Variants in SRBD1 observed in about 807,000 individuals in gnomAD.
SRBD1 encodes the protein S1 RNA-binding domain-containing protein 1.
SRBD1 carries 88 observed loss-of-function variants against 115.3 expected under a neutral mutation model. The ratio of observed to expected loss-of-function variants is 0.76; its 90% CI spans 0.64 to 0.91. The LOEUF (loss-of-function observed/expected upper bound fraction) is 0.91. SRBD1 is among the 40% of genes least tolerant of loss of function. SRBD1 has a pLI of 0.00. For missense variants in SRBD1, 1,385 were observed against 1,177.4 expected (o/e 1.18, Z -2.58); for synonymous variants, 509 against 407.7 (o/e 1.25, Z -2.99).
intron 7 of SRBD1, among the ~76,000 whole-genome samples, chr2:45,578,567 C>CTAT (rs1479089737): frequency 2.0e-5 from 3 of 152,132 alleles, no homozygotes; most frequent in Non-Finnish European, 4.4e-5. Flanking sequence ...AAAATAAAAA[C>CTAT]AGGCTATAGT....
Position 45,599,654 on chromosome 2 carries a change from T to A in SRBD1, c.443A>T (p.Glu148Val). ...ETSKASNLEG[E>V]SNSSETPSTS... ...GGATGGTGTCTCTGAACTATTACTC[T>A]CACCCTCTAAGTTGCTGGCTTTGCT... Residue 148 changes from glutamate (E) to valine (V), a missense_variant, in exon 4 of 21, where the codon GAG (glutamate) becomes GTG (valine). Transcript: ENST00000263736. 1.2e-6 allele frequency: 2 copies of A among 1,614,242 alleles called. No individual in the cohort carries two copies. Among genetic ancestry groups the A allele is most frequent in the Non-Finnish European group, 1.7e-6 (2 of 1,180,048 alleles).
chr2:45,585,513 G>A (rs1202904179), intron 5 of SRBD1, 95 bp downstream of exon 5: 26 of 1,348,764 alleles, frequency 1.9e-5, no homozygotes, highest in Non-Finnish European at 2.6e-5. Flanking sequence ...GAAACAAAAT[G>A]TTGAAATTGT....
At chr2:45,503,828 G>C (rs932736969) in intron 14 of SRBD1, among the ~76,000 whole-genome samples, 6 of 152,262 alleles carry the variant, frequency 3.9e-5, no homozygotes, top group Admixed American at 1.3e-4. Context: ...AATCCAAAGA[G>C]GAGGAGGCTT....
At chr2:45,511,449 G>C (rs758130604) in intron 14 of SRBD1, among the ~76,000 whole-genome samples, 1 of 152,168 alleles carries the variant, frequency 6.6e-6, no homozygotes, top group Non-Finnish European at 1.5e-5. Context: ...AGAGCTATGA[G>C]TGTTCATGAA....
chr2:45,509,761 G>T (rs752868877), intron 14 of SRBD1, among the ~76,000 whole-genome samples: 4 of 152,052 alleles, frequency 2.6e-5, no homozygotes, highest in Non-Finnish European at 5.9e-5. Flanking sequence ...TTAAGACAGG[G>T]TCTCACTCTG....
intron 2 of SRBD1, among the ~76,000 whole-genome samples, chr2:45,604,002 T>A (rs1674183310): frequency 6.6e-6 from 1 of 152,150 alleles, no homozygotes; most frequent in Non-Finnish European, 1.5e-5. Flanking sequence ...CTTTCCAAAA[T>A]GTCTGTCATT....
At chr2:45,424,941 C>G (rs1668108379) in intron 16 of SRBD1, among the ~76,000 whole-genome samples, 1 of 152,178 alleles carries the variant, frequency 6.6e-6, no homozygotes, top group African/African-American at 2.4e-5. Context: ...AGCACTGTAT[C>G]ATGGGATGGC....
At chr2:45,565,587 C>T (rs1193548935) in intron 9 of SRBD1, among the ~76,000 whole-genome samples, 2 of 152,046 alleles carry the variant, frequency 1.3e-5, no homozygotes, top group African/African-American at 2.4e-5. Context: ...AGATATAACA[C>T]CAAAAGTGTA....
Position 45,601,765 on chromosome 2 carries a change from T to C in SRBD1, c.261+138A>G. The C allele has an allele frequency of 4.3e-6, 5 of 1,162,530 alleles. No homozygotes were observed. The South Asian group carries it at 4.9e-5, about 11-fold the overall frequency. The allele number at this position is 1,162,530 out of a possible 1,614,324, so 72.0% of individuals were successfully genotyped here. ...AAGAAACACAGTACAGACCCAAAAA[T>C]TAAGACCCAGGGTAGGGGATGCCAT... is the stretch of plus-strand genomic sequence containing the variant. On this transcript the variant is annotated intron_variant, in intron 3 of 20. Coordinates refer to ENST00000263736, the MANE Select transcript of SRBD1 (RefSeq NM_018079.5).
At chr2:45,596,929 A>AACACACAC (rs3223332) in intron 4 of SRBD1, among the ~76,000 whole-genome samples, 2,451 of 143,180 alleles carry the variant, frequency 0.017, 44 homozygotes, top group Non-Finnish European at 0.025. Flanking sequence ...CCACAACCCT[A>AACACACAC]ACACACACAC....
intron 19 of SRBD1, among the ~76,000 whole-genome samples, chr2:45,394,729 A>G (rs1366436400): frequency 6.6e-6 from 1 of 152,230 alleles, no homozygotes; most frequent in East Asian, 1.9e-4. Flanking sequence ...TTGAATTCAA[A>G]TGTGCAACAC....
At chr2:45,599,408 C>T in intron 4 of SRBD1, 41 bp downstream of exon 4, 5 of 1,577,724 alleles carry the variant, frequency 3.2e-6, no homozygotes, top group Non-Finnish European at 4.3e-6. Context: ...AAAAAGAAAG[C>T]ACTCAAAACA....
chr2:45,467,995 T>G (rs1339202879), intron 16 of SRBD1, among the ~76,000 whole-genome samples: 1 of 152,144 alleles, frequency 6.6e-6, no homozygotes, highest in Non-Finnish European at 1.5e-5. Flanking sequence ...CCAACCAGTT[T>G]AAGAAATAAG....
chr2:45,433,926 C>T (rs1399853991), intron 16 of SRBD1, among the ~76,000 whole-genome samples: 1 of 152,136 alleles, frequency 6.6e-6, no homozygotes, highest in East Asian at 1.9e-4. Context: ...GCCTATAAGG[C>T]TCTGGGATTA....
chr2:45,467,474 T>A (rs1669524714), intron 16 of SRBD1, among the ~76,000 whole-genome samples: 1 of 152,216 alleles, frequency 6.6e-6, no homozygotes, highest in African/African-American at 2.4e-5. Flanking sequence ...TCCTTAAACA[T>A]CTGCTCTACC....
intron 14 of SRBD1, among the ~76,000 whole-genome samples, chr2:45,544,989 C>G (rs527403174): frequency 1.3e-5 from 2 of 151,938 alleles, no homozygotes; most frequent in Non-Finnish European, 2.9e-5. Flanking sequence ...ATGATTAAAA[C>G]AAAAGATGAG....
chr2:45,439,211 A>G (rs1272745388), intron 16 of SRBD1, among the ~76,000 whole-genome samples: 1 of 152,060 alleles, frequency 6.6e-6, no homozygotes, highest in African/African-American at 2.4e-5. Flanking sequence ...CTACACTACA[A>G]AAAAATTTTA....
chr2:45,414,953 TAC>T lies in SRBD1; in HGVS notation c.2334-1662_2334-1661del, dbSNP rs1412383137. Among the ~76,000 whole-genome samples the T allele has an allele frequency of 3.1e-3, 222 of 71,210 alleles. 17 individuals carry two copies. Among genetic ancestry groups the T allele is most frequent in the South Asian group, 0.011 (22 of 2,026 alleles). The allele number at this position is 71,210 out of a possible 152,430, so 46.7% of individuals were successfully genotyped here. On this transcript the variant is annotated intron_variant, in intron 18 of 20. Coordinates refer to ENST00000263736, the MANE Select transcript of SRBD1 (RefSeq NM_018079.5). ...CACACAGTGTTATATAGTATGTACA[TAC>T]ACACACATATAGTGTGTATATAGTA...
At chr2:45,607,494 G>A (rs746640262) in intron 1 of SRBD1, among the ~76,000 whole-genome samples, 1 of 152,106 alleles carries the variant, frequency 6.6e-6, no homozygotes, top group East Asian at 1.9e-4. Context: ...TGGGGAAATG[G>A]AGGTTTTCCT....
Sources: allele counts gnomAD v4.1 joint callset (sites outside exome capture counted in the v4.1 genomes callset), GRCh38; gene constraint gnomAD v4.1.1; transcripts MANE v1.5; gene names NCBI Gene and HGNC (gene_info 2026-07-23, HGNC 2026-07-21).